Variants in CAPN14 observed in about 807,000 individuals in gnomAD.
The protein encoded by CAPN14 is calpain 14, also known as calpain-14.
In CAPN14, 94 loss-of-function variants were observed where a neutral mutation model predicts 101.3. That is an observed-to-expected ratio of 0.93 (90% CI 0.79 to 1.10). The LOEUF (loss-of-function observed/expected upper bound fraction) is 1.10, where lower values mean the gene tolerates loss of function less well. CAPN14 is among the 50% of genes least tolerant of loss of function. CAPN14 has a pLI of 0.00. For missense variants in CAPN14, 837 were observed against 828.4 expected, an observed-to-expected ratio of 1.01 and a Z score of -0.13; for synonymous variants, 338 against 317.9, an observed-to-expected ratio of 1.06 and a Z score of -0.67.
chr2:31,177,635 TA>T, intron 19 of CAPN14, 110 bp downstream of exon 19: 1 of 765,438 alleles, frequency 1.3e-6, no homozygotes, highest in Non-Finnish European at 2.2e-6. Flanking sequence ...TCTTTGAGAG[TA>T]ACACTGCGTA....
intron 6 of CAPN14, among the ~76,000 whole-genome samples, chr2:31,199,736 T>C (rs1241852693): frequency 6.6e-6 from 1 of 152,190 alleles, no homozygotes; most frequent in East Asian, 1.9e-4. Context: ...TCTGCAGTGA[T>C]CATGCCATAC....
At position 31,205,348 on chromosome 2, in the gene CAPN14, G is replaced by T; in HGVS notation, c.100C>A (p.Leu34Met). 6.4e-7 allele frequency: 1 copy of T among 1,551,430 alleles called. No homozygotes were observed. Among genetic ancestry groups the T allele is most frequent in the Non-Finnish European group, 8.7e-7 (1 of 1,146,972 alleles). ...QQPQQDFEAL[L>M]AECLRNGCLF... ...CAGCCATTCCTCAGGCACTCTGCCA[G>T]CAGGGCCTCAAAGTCCTGTTGGGGT... The change falls in exon 2 of 22, where the codon CTG becomes ATG. Residue 34 changes from leucine to methionine, a missense_variant. Leu to Met is a conservative substitution (Grantham distance 15, BLOSUM62 2). Transcript: ENST00000403897.
At chr2:31,183,337 G>A (rs1173971844) in intron 16 of CAPN14, among the ~76,000 whole-genome samples, 1 of 152,122 alleles carries the variant, frequency 6.6e-6, no homozygotes, top group Non-Finnish European at 1.5e-5. Flanking sequence ...TTGAAAAATG[G>A]GATCTAATTA....
At chr2:31,229,122 A>G (rs2148710361) in intron 1 of CAPN14, among the ~76,000 whole-genome samples, 1 of 152,318 alleles carries the variant, frequency 6.6e-6, no homozygotes, top group Non-Finnish European at 1.5e-5. Context: ...GCATTTGTGT[A>G]TAACCGTAAT....
In CAPN14 at chr2:31,193,306, A is replaced by G; in HGVS notation, c.951-12T>C. The G allele has an allele frequency of 6.4e-7, 1 of 1,551,070 alleles. No individual in the cohort carries two copies. On this transcript the variant is annotated splice_polypyrimidine_tract_variant and intron_variant, in intron 9 of 21. Transcript: ENST00000403897. ...CCTGCAGCGTCATCCTGTGGAGAGA[A>G]GAAGGAAAAGCACAAAGAGATGGAC...
At position 31,173,903 on chromosome 2, in the gene CAPN14, CT is replaced by C. The variant is rs1386145453; in HGVS notation, c.*777del. ...AATTTAGCATGGGTTTGTTTTTGTC[CT>C]TTGAAGTAGATAGACAGAGAATTTC... is the stretch of plus-strand genomic sequence containing the variant. On this transcript the variant is annotated 3_prime_UTR_variant, in exon 22 of 22. Transcript: ENST00000403897. 1 of 152,078 alleles carries C rather than the reference CT, an allele frequency of 6.6e-6. No individual in the cohort carries two copies. The highest frequency in any genetic ancestry group is 1.9e-4 in the East Asian group (1 of 5,186). 9.4% of individuals were successfully genotyped at this position (152,078 alleles called of 1,614,324 possible). A position where few individuals can be genotyped will look rare whatever the true frequency, so the allele number is the denominator to read the frequency against.
rs1230337686 is a variant in CAPN14 at position 31,181,985 on chromosome 2, A to C, written c.1646-985T>G. On this transcript the variant is annotated intron_variant, in intron 16 of 21. Coordinates refer to ENST00000403897, the MANE Select transcript of CAPN14 (RefSeq NM_001145122.2). ...GTGAATAGTGCCGCAATAAACATAC[A>C]TGTGCATGTGTCTTTATAGCAGCAT... 2.6e-5 allele frequency among the ~76,000 whole-genome samples: 4 copies of C among 151,980 alleles called. No individual in the cohort carries two copies. The South Asian group carries it at 6.3e-4, about 24-fold the overall frequency.
chr2:31,219,967 C>T (rs1682812782), upstream of CAPN14, among the ~76,000 whole-genome samples: 1 of 152,206 alleles, frequency 6.6e-6, no homozygotes, highest in Admixed American at 6.5e-5. Context: ...ATCTGCCTCT[C>T]CCACAAACCT....
At chr2:31,208,986 T>C (rs1336880941) in intron 1 of CAPN14, among the ~76,000 whole-genome samples, 2 of 152,028 alleles carry the variant, frequency 1.3e-5, no homozygotes, top group African/African-American at 4.8e-5. Context: ...TATTTTTTAT[T>C]AGAGACAGGG....
chr2:31,208,000 T>C (rs1682190037), intron 1 of CAPN14, among the ~76,000 whole-genome samples: 1 of 152,078 alleles, frequency 6.6e-6, no homozygotes, highest in African/African-American at 2.4e-5. Context: ...GGAATGTTGT[T>C]TGTCTCACAC....
chr2:31,205,515 G>C lies in CAPN14; in HGVS notation c.-52-16C>G. 1 of 1,299,564 alleles carries C rather than the reference G, an allele frequency of 7.7e-7. No homozygotes were observed. Among genetic ancestry groups the C allele is most frequent in the South Asian group, 1.3e-5 (1 of 78,304 alleles). The allele number at this position is 1,299,564 out of a possible 1,614,324, so 80.5% of individuals were successfully genotyped here. On this transcript the variant is annotated splice_polypyrimidine_tract_variant and intron_variant, in intron 1 of 21. Coordinates refer to ENST00000403897, the MANE Select transcript of CAPN14 (RefSeq NM_001145122.2). ...TCTGCTGCTCCTGAAATGGAGAGAG[G>C]ACGGTCAGTTTCCTCACTTCCTCCT...
chr2:31,185,574 G>C (rs1243505536), intron 16 of CAPN14, among the ~76,000 whole-genome samples: 2 of 152,168 alleles, frequency 1.3e-5, no homozygotes, highest in East Asian at 1.9e-4. Flanking sequence ...CCTAGAATTA[G>C]CCTAGAATTC....
In CAPN14 at chr2:31,205,249, G is replaced by A. The variant is rs757557561; in HGVS notation, c.199C>T (p.Pro67Ser). Residue 67 changes from proline to serine, a missense_variant, in exon 2 of 22, where the codon CCC (proline) becomes TCC (serine). Pro to Ser is a moderately conservative substitution (Grantham distance 74). Transcript: ENST00000403897. ...GSGSLLQKLP[P>S]RLQWKRPPEL... ...GGGGGCCTCTTCCACTGCAGGCGGG[G>A]TGGCAGCTTCTGCAGCAGGGAGCCA... is the stretch of plus-strand genomic sequence containing the variant. The A allele has an allele frequency of 1.0e-5, 16 of 1,549,676 alleles. No homozygotes were observed. The East Asian group carries it at 3.4e-4, about 33-fold the overall frequency.
At chr2:31,187,436 C>T (rs757438930) in intron 15 of CAPN14, among the ~76,000 whole-genome samples, 1 of 151,792 alleles carries the variant, frequency 6.6e-6, no homozygotes, top group Non-Finnish European at 1.5e-5. Context: ...CCCCCACCCC[C>T]TGTCCCACTC....
chr2:31,188,168 G>C lies in CAPN14; in HGVS notation c.1530+150C>G, dbSNP rs572928361. The C allele has an allele frequency of 1.1e-5, 8 of 727,304 alleles. No individual in the cohort carries two copies. In the African/African-American group the frequency reaches 1.4e-4, roughly 13 times the overall value. 45.1% of individuals were successfully genotyped at this position (727,304 alleles called of 1,614,324 possible). On this transcript the variant is annotated intron_variant, in intron 14 of 21. Transcript: ENST00000403897. ...GCAAAAACAGCAAAGCCCAGGTACT[G>C]TTAGGATACAACGGGTAATGTTTGC... is the stretch of plus-strand genomic sequence containing the variant.
At position 31,174,332 on chromosome 2, in the gene CAPN14, T is replaced by C; in HGVS notation, c.*349A>G. ...GTGGCATGTCTAAAGTCACTTGAGT[T>C]TGCAGCCACAGAGGCAGTGTTGTAT... On this transcript the variant is annotated 3_prime_UTR_variant, in exon 22 of 22. Transcript: ENST00000403897. 2.5e-6 allele frequency: 1 copy of C among 398,348 alleles called. No homozygotes were observed. The highest frequency in any genetic ancestry group is 4.5e-6 in the Non-Finnish European group (1 of 220,312). 24.7% of individuals were successfully genotyped at this position (398,348 alleles called of 1,614,324 possible). A position where few individuals can be genotyped will look rare whatever the true frequency, so the allele number is the denominator to read the frequency against.
At position 31,189,388 on chromosome 2, in the gene CAPN14, C is replaced by T. The variant is rs1681064432; in HGVS notation, c.1378G>A (p.Val460Met). ...GGTTCCAGACACAGCTCCTGACTCA[C>T]TTCTTTCTCCTTGAGAAACCTATCA... is the stretch of plus-strand genomic sequence containing the variant. Reference protein sequence around the residue: ...QPDRFLKEKEVSQELCLEPGT... With the variant: ...QPDRFLKEKEMSQELCLEPGT... Residue 460 changes from valine to methionine, a missense_variant, in exon 13 of 22, where the codon GTG (valine) becomes ATG (methionine). Physicochemically the swap from Val to Met is conservative, Grantham distance 21. Transcript: ENST00000403897. 9.0e-6 allele frequency: 14 copies of T among 1,551,750 alleles called. No homozygotes were observed. The highest frequency in any genetic ancestry group is 1.2e-5 in the Non-Finnish European group (14 of 1,147,008).
At chr2:31,203,848 C>T (rs1681928807) in intron 2 of CAPN14, among the ~76,000 whole-genome samples, 1 of 152,158 alleles carries the variant, frequency 6.6e-6, no homozygotes, top group African/African-American at 2.4e-5. Flanking sequence ...TACACTTTAC[C>T]CTGTTCACTA....
intron 18 of CAPN14, 59 bp from the exon 19 acceptor site, chr2:31,177,880 G>A (rs1680389305): frequency 2.4e-6 from 3 of 1,233,478 alleles, no homozygotes; most frequent in African/African-American, 1.5e-5. Context: ...CCATCTGAGA[G>A]CCCTGTGTGC....
Sources: allele counts gnomAD v4.1 joint callset (sites outside exome capture counted in the v4.1 genomes callset), GRCh38; gene constraint gnomAD v4.1.1; transcripts MANE v1.5; gene names NCBI Gene and HGNC (gene_info 2026-07-23, HGNC 2026-07-21).